CDK19: variants seen among roughly 807,000 people sequenced by gnomAD.
CDK19 encodes the protein cyclin dependent kinase 19, also known as cyclin-dependent kinase 19.
Under a neutral mutation model 68.3 loss-of-function variants are expected in CDK19, and 20 were observed. The observed-to-expected ratio is 0.29, with a 90% CI of 0.21 to 0.43. CDK19 has a LOEUF of 0.43. CDK19 is among the 20% of genes least tolerant of loss of function. CDK19 has a pLI of 1.00. For synonymous variants in CDK19, 221 were observed against 222.8 expected, an observed-to-expected ratio of 0.99 and a Z score of 0.07; for missense variants, 339 against 623.5, an observed-to-expected ratio of 0.54 and a Z score of 4.86.
rs1267912554 is a variant in CDK19 at position 110,612,438 on chromosome 6, C to CAAAAAGACCTTCATATTATAAG, written c.*2075_*2096dup. On this transcript the variant is annotated 3_prime_UTR_variant, in exon 13 of 13. Coordinates refer to ENST00000368911, the MANE Select transcript of CDK19 (RefSeq NM_015076.5). ...CTACCCAAGTGGGTTTAGAAGTAAACAAAAAGACCTTCATATTATAAGACA... is the reference window on the plus strand; with the variant it reads ...CTACCCAAGTGGGTTTAGAAGTAAACAAAAAGACCTTCATATTATAAGAAAAAGACCTTCATATTATAAGACA... 6.6e-5 allele frequency: 10 copies of CAAAAAGACCTTCATATTATAAG among 152,496 alleles called. No homozygotes were observed. Among genetic ancestry groups the CAAAAAGACCTTCATATTATAAG allele is most frequent in the African/African-American group, 2.4e-4 (10 of 41,398 alleles). The allele number at this position is 152,496 out of a possible 1,614,324, so 9.4% of individuals were successfully genotyped here.
intron 6 of CDK19, among the ~76,000 whole-genome samples, chr6:110,627,763 T>TA (rs1313040311): frequency 6.6e-6 from 1 of 152,208 alleles, no homozygotes; most frequent in Non-Finnish European, 1.5e-5. Context: ...ACTCAATTGA[T>TA]AATCTAATAC....
intron 4 of CDK19, among the ~76,000 whole-genome samples, chr6:110,641,116 A>C (rs1311026740): frequency 6.6e-6 from 1 of 152,196 alleles, no homozygotes; most frequent in East Asian, 1.9e-4. Flanking sequence ...AGAAAAAGAA[A>C]AAGATTGGTT....
intron 6 of CDK19, among the ~76,000 whole-genome samples, chr6:110,628,443 G>A (rs1779227483): frequency 6.6e-6 from 1 of 152,146 alleles, no homozygotes; most frequent in Non-Finnish European, 1.5e-5. Context: ...GTTTTAAATT[G>A]TGTACCATTC....
chr6:110,687,828 A>G (rs1772617337), intron 2 of CDK19, among the ~76,000 whole-genome samples: 1 of 152,260 alleles, frequency 6.6e-6, no homozygotes, highest in South Asian at 2.1e-4. Flanking sequence ...AAGTAACACC[A>G]TAACTTTCGA....
intron 1 of CDK19, among the ~76,000 whole-genome samples, chr6:110,779,500 C>T (rs1389942273): frequency 2.0e-5 from 3 of 152,150 alleles, no homozygotes; most frequent in African/African-American, 4.8e-5. Context: ...GGATAGGAAA[C>T]GATTTGTAAC....
chr6:110,638,020 C>G (rs1158929639), intron 5 of CDK19, among the ~76,000 whole-genome samples: 2 of 151,952 alleles, frequency 1.3e-5, no homozygotes, highest in Non-Finnish European at 1.5e-5. Context: ...CTTAGCTCAT[C>G]TTCTCCCCAA....
chr6:110,811,950 C>A (rs1341827927), intron 1 of CDK19, among the ~76,000 whole-genome samples: 1 of 151,046 alleles, frequency 6.6e-6, no homozygotes. Context: ...GTAATCCCAG[C>A]ATTTTGGGAG....
chr6:110,757,239 C>T (rs1410573105), intron 1 of CDK19, among the ~76,000 whole-genome samples: 1 of 152,170 alleles, frequency 6.6e-6, no homozygotes, highest in Non-Finnish European at 1.5e-5. Flanking sequence ...ACCCATGCCA[C>T]AGGCGCCCTT....
chr6:110,744,232 C>G (rs1163457282), intron 2 of CDK19, among the ~76,000 whole-genome samples: 1 of 150,316 alleles, frequency 6.7e-6, no homozygotes, highest in African/African-American at 2.4e-5. Flanking sequence ...GTCTCGAACT[C>G]CTGACCTCAG....
intron 2 of CDK19, among the ~76,000 whole-genome samples, chr6:110,694,979 T>C (rs542764825): frequency 1.3e-5 from 2 of 152,240 alleles, no homozygotes; most frequent in Non-Finnish European, 2.9e-5. Flanking sequence ...TAGCCAAGCA[T>C]GGTGGCAGGT....
At chr6:110,810,779 AAAAAAAGAAAAG>A (rs1044486989) in intron 1 of CDK19, among the ~76,000 whole-genome samples, 25 of 152,062 alleles carry the variant, frequency 1.6e-4, no homozygotes, top group Admixed American at 7.2e-4. Context: ...ATCTCAAAAA[AAAAAAAGAAAAG>A]AAAAAAGAAA....
chr6:110,671,126 A>T (rs1227217870), intron 2 of CDK19, among the ~76,000 whole-genome samples: 1 of 152,086 alleles, frequency 6.6e-6, no homozygotes, highest in East Asian at 1.9e-4. Context: ...ATGCCCACTT[A>T]TAAAAACTGA....
chr6:110,759,418 A>ATATAT (rs1554219475), intron 1 of CDK19, among the ~76,000 whole-genome samples: 139 of 114,574 alleles, frequency 1.2e-3, no homozygotes, highest in African/African-American at 5.4e-3. Flanking sequence ...AAAAAAAAAA[A>ATATAT]AAAAAAAAAA....
chr6:110,777,994 A>T (rs1780529209), intron 1 of CDK19, among the ~76,000 whole-genome samples: 1 of 152,118 alleles, frequency 6.6e-6, no homozygotes, highest in African/African-American at 2.4e-5. Context: ...GAGAATGGGC[A>T]CTTATTCTTT....
intron 2 of CDK19, among the ~76,000 whole-genome samples, chr6:110,742,551 TATAAACGGACG>T (rs1247055410): frequency 2.0e-5 from 3 of 152,178 alleles, no homozygotes; most frequent in Non-Finnish European, 2.9e-5. Flanking sequence ...GCAGAGAGCC[TATAAACGGACG>T]TGCAAGTAGG....
intron 1 of CDK19, among the ~76,000 whole-genome samples, chr6:110,811,695 T>A (rs545651895): frequency 7.2e-5 from 11 of 152,270 alleles, no homozygotes; most frequent in African/African-American, 2.6e-4. Flanking sequence ...AATTCTTGCT[T>A]GTATTAAAAA....
rs1004093624 is a variant in CDK19, at chr6:110,727,920, C to T, written c.204+18206G>A. ...AGAGGATCATTGGAGGCCAGAAAAT[C>T]GAGGCTGCAAAGCACTATTATCCTG... On this transcript the variant is annotated intron_variant, in intron 2 of 12. Coordinates refer to ENST00000368911, the MANE Select transcript of CDK19 (RefSeq NM_015076.5). 5.7e-4 allele frequency among the ~76,000 whole-genome samples: 86 copies of T among 151,424 alleles called. 1 individual carries two copies. The highest frequency in any genetic ancestry group is 2.1e-3 in the African/African-American group (85 of 41,306).
chr6:110,780,460 A>G (rs1166979165), intron 1 of CDK19, among the ~76,000 whole-genome samples: 6 of 150,580 alleles, frequency 4.0e-5, no homozygotes, highest in African/African-American at 1.5e-4. Context: ...CTATCAAGGT[A>G]TATATCAGAA....
At chr6:110,726,400 C>T (rs1776317154) in intron 2 of CDK19, among the ~76,000 whole-genome samples, 1 of 151,990 alleles carries the variant, frequency 6.6e-6, no homozygotes, top group African/African-American at 2.4e-5. Context: ...ATTCATAGTC[C>T]TAGAAAGCCA....
Sources: allele counts gnomAD v4.1 joint callset (sites outside exome capture counted in the v4.1 genomes callset), GRCh38; gene constraint gnomAD v4.1.1; transcripts MANE v1.5; gene names NCBI Gene and HGNC (gene_info 2026-07-23, HGNC 2026-07-21).